The following MACROD2 variants were observed in gnomAD, a reference collection of about 807,000 sequenced individuals.
MACROD2 encodes ADP-ribose glycohydrolase MACROD2.
MACROD2 carries 36 observed loss-of-function variants against 70.4 expected under a neutral mutation model. The ratio of observed to expected loss-of-function variants is 0.51; its 90% CI spans 0.39 to 0.68. MACROD2 has a LOEUF of 0.68. MACROD2 is among the 30% of genes least tolerant of loss of function. The pLI is 0.00. For missense variants in MACROD2, 496 were observed against 538.4 expected (o/e 0.92, Z 0.78); for synonymous variants, 172 against 178.8 (o/e 0.96, Z 0.30).
intron 5 of MACROD2, among the ~76,000 whole-genome samples, chr20:15,140,906 G>A (rs528190690): frequency 3.1e-4 from 47 of 152,294 alleles, no homozygotes; most frequent in African/African-American, 1.1e-3. Context: ...ATCACATTTT[G>A]TAAACCAGGT....
intron 5 of MACROD2, among the ~76,000 whole-genome samples, chr20:15,061,419 C>T (rs2075532017): frequency 6.6e-6 from 1 of 152,158 alleles, no homozygotes; most frequent in African/African-American, 2.4e-5. Flanking sequence ...CCTAGTCTGT[C>T]TCCCCAAGCT....
At chr20:14,651,714 T>C (rs1985689219) in intron 4 of MACROD2, among the ~76,000 whole-genome samples, 1 of 152,176 alleles carries the variant, frequency 6.6e-6, no homozygotes, top group African/African-American at 2.4e-5. Context: ...GGAGGATATA[T>C]GCCTCTCCAG....
At chr20:15,416,103 A>G (rs1418019101) in intron 6 of MACROD2, among the ~76,000 whole-genome samples, 5 of 152,166 alleles carry the variant, frequency 3.3e-5, no homozygotes, top group Non-Finnish European at 7.3e-5. Flanking sequence ...CTGAGCTGTC[A>G]TATCTCCTTG....
intron 5 of MACROD2, among the ~76,000 whole-genome samples, chr20:14,722,884 A>G (rs1293580493): frequency 1.3e-5 from 2 of 152,136 alleles, no homozygotes; most frequent in Non-Finnish European, 2.9e-5. Context: ...TAATGTTTAT[A>G]TCAGACAAAA....
chr20:15,437,182 A>G (rs1288036236), intron 7 of MACROD2, among the ~76,000 whole-genome samples: 1 of 152,152 alleles, frequency 6.6e-6, no homozygotes, highest in East Asian at 1.9e-4. Context: ...CAGTTCTTAA[A>G]GTTATTTGAT....
At chr20:16,039,742 G>A (rs1395296101) in intron 15 of MACROD2, among the ~76,000 whole-genome samples, 3 of 151,806 alleles carry the variant, frequency 2.0e-5, no homozygotes, top group Admixed American at 6.6e-5. Flanking sequence ...GTGTGAGAAA[G>A]GTATTATATA....
At chr20:14,884,735 C>T (rs1236365491) in intron 5 of MACROD2, 2 of 152,196 alleles carry the variant, frequency 1.3e-5, no homozygotes, top group East Asian at 3.9e-4. Flanking sequence ...TTATACCATC[C>T]TCCCTTTGGA....
intron 3 of MACROD2, among the ~76,000 whole-genome samples, chr20:14,252,933 T>C (rs758944284): frequency 6.6e-6 from 1 of 152,054 alleles, no homozygotes; most frequent in Non-Finnish European, 1.5e-5. Context: ...CCCTTGTCAT[T>C]GATCATTTCT....
At chr20:14,721,240 G>C (rs2071465250) in intron 5 of MACROD2, among the ~76,000 whole-genome samples, 1 of 135,784 alleles carries the variant, frequency 7.4e-6, no homozygotes, top group Non-Finnish European at 1.6e-5. Context: ...GGGCAACAAA[G>C]CAAGACCCCA....
chr20:14,049,097 G>A (rs1291049863), intron 2 of MACROD2, among the ~76,000 whole-genome samples: 1 of 147,650 alleles, frequency 6.8e-6, no homozygotes, highest in Non-Finnish European at 1.5e-5. Flanking sequence ...AATTTGAGGA[G>A]ACTTTTAAAA....
intron 4 of MACROD2, among the ~76,000 whole-genome samples, chr20:14,668,155 TA>T (rs532897421): frequency 3.1e-3 from 440 of 142,188 alleles, no homozygotes; most frequent in Middle Eastern, 0.011. Context: ...CCCTGTCTCT[TA>T]AAAAAAAAAA....
chr20:14,831,923 T>TTTTTTTTTTTTGAGACGGAGTCTC (rs1568821844), intron 5 of MACROD2, among the ~76,000 whole-genome samples: 1 of 148,432 alleles, frequency 6.7e-6, no homozygotes, highest in African/African-American at 2.5e-5. Context: ...GTTATGTTCT[T>TTTTTTTTTTTTGAGACGGAGTCTC]GGGGATGCAT....
intron 5 of MACROD2, among the ~76,000 whole-genome samples, chr20:14,945,897 G>T (rs1237216895): frequency 6.6e-6 from 1 of 152,104 alleles, no homozygotes; most frequent in South Asian, 2.1e-4. Context: ...AAATTTATCT[G>T]CATTTTAGTA....
intron 5 of MACROD2, among the ~76,000 whole-genome samples, chr20:15,079,708 G>A (rs2075688085): frequency 6.6e-6 from 1 of 152,028 alleles, no homozygotes; most frequent in Non-Finnish European, 1.5e-5. Context: ...CACCAGTTAA[G>A]TCCTCCTTTC....
intron 4 of MACROD2, among the ~76,000 whole-genome samples, chr20:14,604,060 T>C (rs1438190622): frequency 6.6e-6 from 1 of 152,172 alleles, no homozygotes; most frequent in Non-Finnish European, 1.5e-5. Flanking sequence ...CTGACTTGGG[T>C]GTTACATGTG....
At chr20:15,293,112 A>G (rs1380366682) in intron 6 of MACROD2, among the ~76,000 whole-genome samples, 2 of 152,210 alleles carry the variant, frequency 1.3e-5, no homozygotes, top group Non-Finnish European at 2.9e-5. Flanking sequence ...TCCATTTCTC[A>G]GCTACTTCTT....
intron 5 of MACROD2, among the ~76,000 whole-genome samples, chr20:14,882,399 A>C (rs6042961): frequency 1.3e-3 from 205 of 152,278 alleles, no homozygotes; most frequent in African/African-American, 4.5e-3. Flanking sequence ...TCTCTCAACC[A>C]GATGTAAAAG....
chr20:15,533,965 C>A (rs761960916), intron 8 of MACROD2, among the ~76,000 whole-genome samples: 1 of 152,088 alleles, frequency 6.6e-6, no homozygotes, highest in Non-Finnish European at 1.5e-5. Flanking sequence ...GCTTCCCATG[C>A]CACTTCTTGG....
chr20:15,414,439 G>C (rs534473722), intron 6 of MACROD2, among the ~76,000 whole-genome samples: 1 of 152,142 alleles, frequency 6.6e-6, no homozygotes, highest in Non-Finnish European at 1.5e-5. Flanking sequence ...GGAATATATT[G>C]ACTGTGGTCT....
Sources: gnomAD v4.1 joint callset for allele counts (sites outside exome capture counted in the v4.1 genomes callset) on GRCh38, gnomAD v4.1.1 for gene constraint, MANE v1.5 for transcripts, NCBI Gene and HGNC (gene_info 2026-07-23, HGNC 2026-07-21) for gene names.